Variants in CCDC148 observed in about 807,000 individuals in gnomAD.
CCDC148 encodes the protein coiled-coil domain-containing protein 148.
In CCDC148, 89 loss-of-function variants were observed where a neutral mutation model predicts 85.7. The ratio of observed to expected loss-of-function variants is 1.04; its 90% CI spans 0.87 to 1.24. The LOEUF (loss-of-function observed/expected upper bound fraction) is 1.24. Among genes scored for constraint, CCDC148 ranks in the 50% most tolerant of loss-of-function variants. The pLI is 0.00. For missense variants in CCDC148, 692 were observed against 671.7 expected (o/e 1.03, Z -0.33); for synonymous variants, 230 against 213.9 (o/e 1.08, Z -0.66).
chr2:158,281,209 T>G (rs1407417246), intron 9 of CCDC148, among the ~76,000 whole-genome samples: 3 of 151,466 alleles, frequency 2.0e-5, no homozygotes, highest in Admixed American at 6.6e-5. Flanking sequence ...AACATCACAA[T>G]TAAAAGAACT....
intron 9 of CCDC148, among the ~76,000 whole-genome samples, chr2:158,301,450 T>C (rs917456276): frequency 6.6e-6 from 1 of 152,230 alleles, no homozygotes; most frequent in Non-Finnish European, 1.5e-5. Flanking sequence ...TAAGTTGATA[T>C]AATCAGCATG....
At chr2:158,390,966 G>A (rs1246760585) in intron 1 of CCDC148, among the ~76,000 whole-genome samples, 2 of 152,136 alleles carry the variant, frequency 1.3e-5, no homozygotes, top group Non-Finnish European at 2.9e-5. Flanking sequence ...TACAATAGCT[G>A]TTATTTGAGA....
chr2:158,313,284 AGTT>A (rs1692122171), intron 8 of CCDC148, among the ~76,000 whole-genome samples: 1 of 150,858 alleles, frequency 6.6e-6, no homozygotes, highest in African/African-American at 2.5e-5. Flanking sequence ...GATCAAGCAG[AGTT>A]GTTGTGGTGG....
chr2:158,232,009 A>G (rs1687877517), intron 10 of CCDC148, among the ~76,000 whole-genome samples: 2 of 152,186 alleles, frequency 1.3e-5, no homozygotes, highest in South Asian at 4.1e-4. Context: ...GAGATTTTAA[A>G]TGCACTGATT....
At position 158,354,039 on chromosome 2, in the gene CCDC148, G is replaced by A. The variant is rs1476063491; in HGVS notation, c.147+4410C>T. ...GTTCTTTGAAACCAATGAGAACAAA[G>A]ACACAACATACCAGAATCTCTGGGA... On this transcript the variant is annotated intron_variant, in intron 2 of 13. Coordinates refer to ENST00000283233, the MANE Select transcript of CCDC148 (RefSeq NM_138803.4). 8.6e-4 allele frequency among the ~76,000 whole-genome samples: 131 copies of A among 152,126 alleles called. 1 individual carries two copies. Among genetic ancestry groups the A allele is most frequent in the Non-Finnish European group, 4.4e-4 (30 of 67,988 alleles).
intron 9 of CCDC148, among the ~76,000 whole-genome samples, chr2:158,261,919 G>T (rs942173150): frequency 3.9e-5 from 6 of 152,032 alleles, no homozygotes; most frequent in African/African-American, 1.4e-4. Context: ...GTTGGTGTAA[G>T]TGTAAATTAG....
intron 2 of CCDC148, among the ~76,000 whole-genome samples, chr2:158,348,376 A>G (rs1403297126): frequency 1.3e-5 from 2 of 152,036 alleles, no homozygotes; most frequent in Non-Finnish European, 2.9e-5. Flanking sequence ...CTATAAGACA[A>G]ACAATACAAT....
At chr2:158,422,662 G>T (rs1337757675) in intron 1 of CCDC148, among the ~76,000 whole-genome samples, 1 of 152,086 alleles carries the variant, frequency 6.6e-6, no homozygotes, top group Admixed American at 6.6e-5. Context: ...CATTCCCTTT[G>T]AAAACTGGCA....
At chr2:158,395,794 T>G (rs1436434307) in intron 1 of CCDC148, among the ~76,000 whole-genome samples, 3 of 152,154 alleles carry the variant, frequency 2.0e-5, no homozygotes, top group Non-Finnish European at 1.5e-5. Flanking sequence ...AAGTTGCTGC[T>G]ATTATTTTTT....
intron 1 of CCDC148, among the ~76,000 whole-genome samples, chr2:158,364,853 A>T (rs1280651743): frequency 6.6e-6 from 1 of 152,210 alleles, no homozygotes; most frequent in Non-Finnish European, 1.5e-5. Context: ...AGCAAAAGAA[A>T]CTATCATCAG....
In CCDC148 at chr2:158,216,243, C is replaced by T. The variant is rs191670845; in HGVS notation, c.1370+4352G>A. Among the ~76,000 whole-genome samples, 670 of 152,024 alleles carry T rather than the reference C, an allele frequency of 4.4e-3. 6 individuals are homozygous for T. Among genetic ancestry groups the T allele is most frequent in the Non-Finnish European group, 3.9e-3 (263 of 67,980 alleles). On this transcript the variant is annotated intron_variant, in intron 11 of 13. Transcript: ENST00000283233. ...TACATGAGGGTAGTGGTTAAGGGCA[C>T]TTTTGCTTTAACTTTAATTTTTATA...
intron 2 of CCDC148, among the ~76,000 whole-genome samples, chr2:158,348,601 T>C (rs886802251): frequency 5.3e-5 from 8 of 152,112 alleles, no homozygotes; most frequent in African/African-American, 1.9e-4. Flanking sequence ...TTTTTAAAAA[T>C]CTCTATTATT....
rs554075207 is a variant in CCDC148, at chr2:158,213,662, AAAG to A, written c.1370+6930_1370+6932del. On this transcript the variant is annotated intron_variant, in intron 11 of 13. Coordinates refer to ENST00000283233, the MANE Select transcript of CCDC148 (RefSeq NM_138803.4). ...ACTGATAATAGAAAGCAGTGATGCT[AAAG>A]ATATACAACAAATGAGATATGACCG... is the stretch of plus-strand genomic sequence containing the variant. Among the ~76,000 whole-genome samples, 31 of 152,336 alleles carry A rather than the reference AAAG, an allele frequency of 2.0e-4. No individual in the cohort carries two copies. The East Asian group carries it at 4.0e-3, about 20-fold the overall frequency.
chr2:158,412,833 T>A (rs1041690194), intron 1 of CCDC148, among the ~76,000 whole-genome samples: 68 of 19,866 alleles, frequency 3.4e-3, no homozygotes, highest in Non-Finnish European at 6.2e-3. Flanking sequence ...GTATTTATTA[T>A]TATTATTATT....
At chr2:158,438,530 A>C (rs1175086501) in intron 1 of CCDC148, among the ~76,000 whole-genome samples, 1 of 152,226 alleles carries the variant, frequency 6.6e-6, no homozygotes, top group African/African-American at 2.4e-5. Flanking sequence ...CCCTAGAAGA[A>C]AACCTAGGCA....
chr2:158,429,333 T>C (rs1262716221), intron 1 of CCDC148, among the ~76,000 whole-genome samples: 1 of 151,568 alleles, frequency 6.6e-6, no homozygotes, highest in African/African-American at 2.4e-5. Flanking sequence ...TTTAATGTCA[T>C]AGGTAAGATT....
At chr2:158,410,627 C>T (rs1345191898) in intron 1 of CCDC148, among the ~76,000 whole-genome samples, 1 of 152,138 alleles carries the variant, frequency 6.6e-6, no homozygotes, top group African/African-American at 2.4e-5. Flanking sequence ...AATCTCTATA[C>T]TTTTATCACC....
chr2:158,398,897 A>G (rs1255821017), intron 1 of CCDC148, among the ~76,000 whole-genome samples: 1 of 152,182 alleles, frequency 6.6e-6, no homozygotes, highest in Non-Finnish European at 1.5e-5. Flanking sequence ...ATAAAGAAGA[A>G]AAAAGAGAAT....
At chr2:158,202,566 AAAT>A (rs1210228266) in intron 11 of CCDC148, among the ~76,000 whole-genome samples, 1 of 152,224 alleles carries the variant, frequency 6.6e-6, no homozygotes, top group Non-Finnish European at 1.5e-5. Flanking sequence ...AAACGGTGCC[AAAT>A]AATAAATATT....
Sources: allele counts gnomAD v4.1 joint callset (sites outside exome capture counted in the v4.1 genomes callset), GRCh38; gene constraint gnomAD v4.1.1; transcripts MANE v1.5; gene names NCBI Gene and HGNC (gene_info 2026-07-23, HGNC 2026-07-21).